The following ZNF536 variants were observed in gnomAD, a reference collection of about 807,000 sequenced individuals.
ZNF536 encodes zinc finger protein 536.
Under a neutral mutation model 84.5 loss-of-function variants are expected in ZNF536, and 13 were observed. The observed-to-expected ratio is 0.15, with a 90% CI of 0.10 to 0.24. ZNF536 has a LOEUF of 0.24. Among genes scored for constraint, ZNF536 ranks in the 10% least tolerant of loss-of-function variants. ZNF536 has a pLI of 1.00. For missense variants in ZNF536, 1,536 were observed against 1,747.5 expected (o/e 0.88, Z 2.16); for synonymous variants, 811 against 742.5 (o/e 1.09, Z -1.50).
intron 2 of ZNF536, among the ~76,000 whole-genome samples, chr19:30,511,792 G>T (rs909374647): frequency 6.6e-5 from 10 of 152,188 alleles, no homozygotes; most frequent in Non-Finnish European, 8.8e-5. Flanking sequence ...GGGGTAAAAT[G>T]CAAGGAGACC....
At chr19:30,704,282 G>C (rs758926393) in intron 1 of ZNF536, among the ~76,000 whole-genome samples, 5 of 152,142 alleles carry the variant, frequency 3.3e-5, no homozygotes, top group Non-Finnish European at 5.9e-5. Context: ...TACACCTCTA[G>C]GAATCCCCAA....
In ZNF536 at chr19:30,557,956, G is replaced by C. The variant is rs757728034; in HGVS notation, c.*792G>C. The C allele has an allele frequency of 6.6e-6, 1 of 152,386 alleles. No individual in the cohort carries two copies. The highest frequency in any genetic ancestry group is 1.5e-5 in the Non-Finnish European group (1 of 68,008). 9.4% of individuals were successfully genotyped at this position (152,386 alleles called of 1,614,324 possible). ...TATCTTTAAGTGTGCTGTATGCTGA[G>C]TTACAAGTTAGGTCATTTATGAATG... is the stretch of plus-strand genomic sequence containing the variant. On this transcript the variant is annotated 3_prime_UTR_variant, in exon 5 of 5. Coordinates refer to ENST00000355537, the MANE Select transcript of ZNF536 (RefSeq NM_014717.3).
chr19:30,602,196 T>A (rs1305469360), intron 1 of ZNF536, among the ~76,000 whole-genome samples: 1 of 152,236 alleles, frequency 6.6e-6, no homozygotes, highest in African/African-American at 2.4e-5. Flanking sequence ...TCACATCTGC[T>A]CATGTGATGG....
intron 1 of ZNF536, among the ~76,000 whole-genome samples, chr19:30,643,137 C>T (rs911441909): frequency 2.6e-5 from 4 of 152,138 alleles, no homozygotes; most frequent in African/African-American, 9.7e-5. Context: ...TATTGGGGAT[C>T]CTGTGGTGGG....
chr19:30,499,706 A>T (rs1053899795), intron 2 of ZNF536, among the ~76,000 whole-genome samples: 1 of 152,228 alleles, frequency 6.6e-6, no homozygotes, highest in Admixed American at 6.5e-5. Context: ...TTCCTACAGC[A>T]GTTGTCTGGA....
chr19:30,602,896 T>C (rs1421798647), intron 1 of ZNF536, among the ~76,000 whole-genome samples: 1 of 152,202 alleles, frequency 6.6e-6, no homozygotes, highest in Non-Finnish European at 1.5e-5. Flanking sequence ...TTAAAAATAA[T>C]ACTACTAAAT....
intron 1 of ZNF536, among the ~76,000 whole-genome samples, chr19:30,263,252 A>G (rs891076589): frequency 2.0e-5 from 3 of 152,214 alleles, no homozygotes; most frequent in Non-Finnish European, 4.4e-5. Context: ...GCTTATGTGG[A>G]TGCCAGGGCT....
intron 3 of ZNF536, 149 bp from the exon 4 acceptor site, chr19:30,547,794 G>A (rs576366901): frequency 1.3e-5 from 11 of 875,842 alleles, no homozygotes; most frequent in South Asian, 7.3e-5. Flanking sequence ...TTAAGAGTAC[G>A]AATTATTCTT....
At chr19:30,571,781 T>G (rs181022190) in intron 1 of ZNF536, among the ~76,000 whole-genome samples, 41 of 152,252 alleles carry the variant, frequency 2.7e-4, no homozygotes, top group Admixed American at 2.3e-3. Context: ...ACAGCCTGCT[T>G]TATTTTTAGG....
rs1036695528 is a variant in ZNF536, at chr19:30,419,318, C to T, written c.-2-24243C>T. 7.2e-5 allele frequency among the ~76,000 whole-genome samples: 11 copies of T among 152,248 alleles called. No individual in the cohort carries two copies. In the Middle Eastern group the frequency reaches 0.01, roughly 141 times the overall value. On this transcript the variant is annotated intron_variant, in intron 1 of 4. Transcript: ENST00000355537. ...TTTTTCTCACTATAAATAGCATTTCCGTACAGTTTTGTCTTTATTGCTGAT... is the reference window on the plus strand; with the variant it reads ...TTTTTCTCACTATAAATAGCATTTCTGTACAGTTTTGTCTTTATTGCTGAT...
downstream of ZNF536, among the ~76,000 whole-genome samples, chr19:30,561,442 C>T (rs1354485359): frequency 6.6e-6 from 1 of 152,172 alleles, no homozygotes; most frequent in African/African-American, 2.4e-5. Context: ...TCTCAATCCC[C>T]TAAGACTTCC....
chr19:30,664,618 A>C (rs755839711), intron 1 of ZNF536, among the ~76,000 whole-genome samples: 4 of 151,608 alleles, frequency 2.6e-5, no homozygotes, highest in Non-Finnish European at 2.9e-5. Flanking sequence ...TGTGAAAGGC[A>C]TGTATGTCTA....
chr19:30,308,938 C>T (rs761347195), intron 2 of ZNF536, among the ~76,000 whole-genome samples: 5 of 152,080 alleles, frequency 3.3e-5, no homozygotes, highest in Admixed American at 6.5e-5. Flanking sequence ...CAGTGTGATT[C>T]GTGGCGTCCC....
intron 1 of ZNF536, among the ~76,000 whole-genome samples, chr19:30,442,371 A>T (rs1041167501): frequency 1.3e-5 from 2 of 152,276 alleles, no homozygotes; most frequent in Admixed American, 6.5e-5. Flanking sequence ...TTTAACAAAC[A>T]ACTTTGAGTT....
At chr19:30,658,866 A>G (rs1187757209) in intron 1 of ZNF536, among the ~76,000 whole-genome samples, 1 of 152,242 alleles carries the variant, frequency 6.6e-6, no homozygotes, top group Non-Finnish European at 1.5e-5. Context: ...TTGAATGCGT[A>G]CATAAGAAAA....
intron 1 of ZNF536, among the ~76,000 whole-genome samples, chr19:30,601,892 C>T (rs181807716): frequency 6.6e-6 from 1 of 152,298 alleles, no homozygotes; most frequent in Non-Finnish European, 1.5e-5. Flanking sequence ...CTCAGAAACC[C>T]CATTCTAGAA....
intron 1 of ZNF536, among the ~76,000 whole-genome samples, chr19:30,274,476 T>C (rs1321106277): frequency 1.3e-5 from 2 of 152,228 alleles, no homozygotes. Context: ...CCAAATGCAA[T>C]TTGTAGTTTA....
chr19:30,676,676 T>C (rs1191153389), intron 1 of ZNF536, among the ~76,000 whole-genome samples: 1 of 152,246 alleles, frequency 6.6e-6, no homozygotes, highest in Non-Finnish European at 1.5e-5. Context: ...TTAGAAACAG[T>C]ACAAATATTA....
At chr19:30,256,869 G>C (rs41301955) in intron 1 of ZNF536, among the ~76,000 whole-genome samples, 1 of 152,238 alleles carries the variant, frequency 6.6e-6, no homozygotes, top group Non-Finnish European at 1.5e-5. Context: ...AAGTGATAAA[G>C]TGACAACATT....
Sources: allele counts gnomAD v4.1 joint callset (sites outside exome capture counted in the v4.1 genomes callset), GRCh38; gene constraint gnomAD v4.1.1; transcripts MANE v1.5; gene names NCBI Gene and HGNC (gene_info 2026-07-23, HGNC 2026-07-21).